The following HTR1F variants were observed in gnomAD, a reference collection of about 807,000 sequenced individuals.
The protein encoded by HTR1F is 5-hydroxytryptamine (serotonin) receptor 1F, G protein-coupled.
HTR1F carries 17 observed loss-of-function variants against 24.0 expected under a neutral mutation model. The observed-to-expected ratio is 0.71, with a 90% CI of 0.48 to 1.06. HTR1F has a LOEUF of 1.06. Among genes scored for constraint, HTR1F ranks in the 50% least tolerant of loss-of-function variants. HTR1F has a pLI of 0.00. For missense variants in HTR1F, 391 were observed against 427.8 expected (o/e 0.91, Z 0.76); for synonymous variants, 186 against 156.8 (o/e 1.19, Z -1.39).
chr3:87,864,610 T>G (rs1472866032), intron 2 of HTR1F, among the ~76,000 whole-genome samples: 2 of 151,882 alleles, frequency 1.3e-5, no homozygotes, highest in Non-Finnish European at 2.9e-5. Flanking sequence ...AAAAGCAATA[T>G]ATCAGTCAGG....
chr3:87,932,180 C>A (rs1285908690), intron 2 of HTR1F, among the ~76,000 whole-genome samples: 1 of 152,004 alleles, frequency 6.6e-6, no homozygotes, highest in Admixed American at 6.6e-5. Flanking sequence ...GGTTTTAGGT[C>A]TAACATTTAA....
At chr3:87,831,232 T>A (rs2107152219) in intron 2 of HTR1F, among the ~76,000 whole-genome samples, 1 of 151,682 alleles carries the variant, frequency 6.6e-6, no homozygotes, top group East Asian at 1.9e-4. Flanking sequence ...AATAATCTAA[T>A]CAAGGTGAAC....
chr3:87,860,405 T>C (rs56204929), intron 2 of HTR1F, among the ~76,000 whole-genome samples: 11,433 of 152,236 alleles, frequency 0.075, 521 homozygotes, highest in Middle Eastern at 0.12. Context: ...GAGAACATTA[T>C]GTTGGGTTGG....
intron 2 of HTR1F, among the ~76,000 whole-genome samples, chr3:87,930,452 T>C (rs1419093769): frequency 1.3e-5 from 2 of 152,178 alleles, no homozygotes. Context: ...TTTTGAGGTA[T>C]GTTCCTGCAA....
intron 2 of HTR1F, among the ~76,000 whole-genome samples, chr3:87,913,553 C>T (rs1703826543): frequency 6.6e-6 from 1 of 152,168 alleles, no homozygotes; most frequent in African/African-American, 2.4e-5. Context: ...ATAGAAATAC[C>T]ATTTGACCCA....
intron 2 of HTR1F, among the ~76,000 whole-genome samples, chr3:87,895,344 T>C (rs1265582161): frequency 6.6e-6 from 1 of 152,106 alleles, no homozygotes; most frequent in Non-Finnish European, 1.5e-5. Context: ...TGAATAGACA[T>C]TTCTCTGAAG....
intron 2 of HTR1F, among the ~76,000 whole-genome samples, chr3:87,914,897 T>C (rs1703859104): frequency 6.6e-6 from 1 of 151,890 alleles, no homozygotes; most frequent in Non-Finnish European, 1.5e-5. Context: ...AGCACAAAAA[T>C]AGAACATTAA....
At chr3:87,905,471 T>C (rs571598753) in intron 2 of HTR1F, among the ~76,000 whole-genome samples, 1 of 152,264 alleles carries the variant, frequency 6.6e-6, no homozygotes, top group Admixed American at 6.5e-5. Flanking sequence ...CATTTTCTTT[T>C]TCCTCATGAG....
chr3:87,819,721 G>A (rs887925547), intron 1 of HTR1F, among the ~76,000 whole-genome samples: 4 of 151,744 alleles, frequency 2.6e-5, no homozygotes, highest in African/African-American at 9.7e-5. Flanking sequence ...CAATATATAA[G>A]GTTATAAAGT....
At chr3:87,861,293 A>C (rs1485328091) in intron 2 of HTR1F, among the ~76,000 whole-genome samples, 1 of 152,216 alleles carries the variant, frequency 6.6e-6, no homozygotes, top group South Asian at 2.1e-4. Flanking sequence ...TTTACTCACT[A>C]AGAACATTTT....
chr3:87,810,787 A>C (rs1197885086), intron 1 of HTR1F, among the ~76,000 whole-genome samples: 1 of 152,192 alleles, frequency 6.6e-6, no homozygotes, highest in Non-Finnish European at 1.5e-5. Context: ...TGCAATCTTG[A>C]AAATATGTAT....
chr3:87,924,613 T>C lies in HTR1F; in HGVS notation c.-42-66095T>C, dbSNP rs1318306584. ...TTGTCTGGAAAAGACTATTTCTCCT[T>C]AGTTTCTGAAGGATAGCATTGCTGG... On this transcript the variant is annotated intron_variant, in intron 2 of 2. Transcript: ENST00000319595. Among the ~76,000 whole-genome samples, 3 of 152,188 alleles carry C rather than the reference T, an allele frequency of 2.0e-5. No individual in the cohort carries two copies. In the East Asian group the frequency reaches 5.8e-4, roughly 29 times the overall value.
chr3:87,874,141 G>T (rs1439774179), intron 2 of HTR1F, among the ~76,000 whole-genome samples: 1 of 151,316 alleles, frequency 6.6e-6, no homozygotes, highest in Non-Finnish European at 1.5e-5. Context: ...AATTAGGCAA[G>T]AAAAAGAAAA....
At chr3:87,943,592 T>A (rs1704623390) in intron 2 of HTR1F, among the ~76,000 whole-genome samples, 1 of 149,980 alleles carries the variant, frequency 6.7e-6, no homozygotes. Flanking sequence ...GTTGGGGGGA[T>A]GCTGGGGTAG....
At chr3:87,898,895 G>T (rs887200234) in intron 2 of HTR1F, among the ~76,000 whole-genome samples, 4 of 151,986 alleles carry the variant, frequency 2.6e-5, no homozygotes, top group African/African-American at 9.7e-5. Flanking sequence ...TATTTCTGAG[G>T]CAAAACATTT....
At chr3:87,935,551 T>C (rs1704392324) in intron 2 of HTR1F, among the ~76,000 whole-genome samples, 1 of 152,032 alleles carries the variant, frequency 6.6e-6, no homozygotes, top group Non-Finnish European at 1.5e-5. Context: ...TTCACTCAGC[T>C]GAAAGACCTA....
intron 2 of HTR1F, among the ~76,000 whole-genome samples, chr3:87,906,024 T>G (rs1703660362): frequency 6.6e-6 from 1 of 152,134 alleles, no homozygotes; most frequent in Non-Finnish European, 1.5e-5. Flanking sequence ...GTTACAAGAA[T>G]GTTCACCTTA....
In HTR1F at chr3:87,892,747, G is replaced by A. The variant is rs886322454; in HGVS notation, c.-43+70623G>A. ...AACACAATTAATTATATTATCGTGC[G>A]CCCTTTTGGGGCTTTTTTTTTAATC... On this transcript the variant is annotated intron_variant, in intron 2 of 2. Transcript: ENST00000319595. Among the ~76,000 whole-genome samples the A allele has an allele frequency of 6.4e-4, 97 of 151,914 alleles. 1 individual carries two copies. Among genetic ancestry groups the A allele is most frequent in the Non-Finnish European group, 2.4e-4 (16 of 67,960 alleles).
At position 87,968,525 on chromosome 3, in the gene HTR1F, T is replaced by A. The variant is rs553379216; in HGVS notation, c.-42-22183T>A. The stretch of plus-strand genomic sequence containing the variant: ...CCGCACCTGGCCAGGCAGAAGAAAT[T>A]TCTAAGCAGCAAAGAATTCAAGAGG... On this transcript the variant is annotated intron_variant, in intron 2 of 2. Coordinates refer to ENST00000319595, the MANE Select transcript of HTR1F (RefSeq NM_001322209.2). Among the ~76,000 whole-genome samples the A allele has an allele frequency of 3.0e-4, 45 of 152,176 alleles. No individual in the cohort carries two copies. In the South Asian group the frequency reaches 8.9e-3, roughly 30 times the overall value.
Sources: gnomAD v4.1 joint callset for allele counts (sites outside exome capture counted in the v4.1 genomes callset) on GRCh38, gnomAD v4.1.1 for gene constraint, MANE v1.5 for transcripts, NCBI Gene and HGNC (gene_info 2026-07-23, HGNC 2026-07-21) for gene names.